The following ZFAND3 variants were observed in gnomAD, a reference collection of about 807,000 sequenced individuals.
The protein encoded by ZFAND3 is zinc finger AN1-type containing 3.
Under a neutral mutation model 29.6 loss-of-function variants are expected in ZFAND3, and 10 were observed. The observed-to-expected ratio is 0.34, with a 90% confidence interval of 0.21 to 0.57. The LOEUF is 0.57. Among genes scored for constraint, ZFAND3 ranks in the 20% least tolerant of loss-of-function variants. ZFAND3 has a pLI of 0.86. For synonymous variants in ZFAND3, 128 were observed against 112.6 expected (o/e 1.14, Z -0.87); for missense variants, 230 against 304.5 (o/e 0.76, Z 1.82).
intron 5 of ZFAND3, 74 bp downstream of exon 5, chr6:38,116,813 G>A: frequency 6.5e-7 from 1 of 1,539,414 alleles, no homozygotes; most frequent in Non-Finnish European, 8.8e-7. Flanking sequence ...AATTTAAGTG[G>A]CTGAAGTCTT....
intron 2 of ZFAND3, among the ~76,000 whole-genome samples, chr6:37,980,637 C>T (rs143176210): frequency 2.1e-4 from 32 of 152,290 alleles, no homozygotes; most frequent in South Asian, 8.3e-4. Flanking sequence ...ACAATTTGAT[C>T]GGCATTTGTG....
chr6:37,864,671 A>G (rs1270465297), intron 1 of ZFAND3, among the ~76,000 whole-genome samples: 1 of 151,714 alleles, frequency 6.6e-6, no homozygotes, highest in Admixed American at 6.6e-5. Context: ...GTGTGGGTGT[A>G]TATGTGTGTA....
At chr6:38,123,330 T>C (rs975599022) in intron 5 of ZFAND3, among the ~76,000 whole-genome samples, 2 of 152,230 alleles carry the variant, frequency 1.3e-5, no homozygotes, top group Non-Finnish European at 2.9e-5. Context: ...GCTGATCCAT[T>C]TCACCAGCAT....
At chr6:38,099,161 G>A (rs180783164) in intron 4 of ZFAND3, among the ~76,000 whole-genome samples, 128 of 152,236 alleles carry the variant, frequency 8.4e-4, no homozygotes, top group African/African-American at 2.8e-3. Context: ...AGTTTCTTGC[G>A]ATTAAAATCT....
At chr6:37,853,412 GAAAAAAAAAAA>G (rs56738009) in intron 1 of ZFAND3, among the ~76,000 whole-genome samples, 2 of 65,880 alleles carry the variant, frequency 3.0e-5, no homozygotes, top group Non-Finnish European at 6.7e-5. Context: ...TGAGCCTCAA[GAAAAAAAAAAA>G]AAAAAAAAAA....
At chr6:38,075,733 C>T (rs1449739646) in intron 3 of ZFAND3, among the ~76,000 whole-genome samples, 2 of 148,424 alleles carry the variant, frequency 1.3e-5, no homozygotes, top group African/African-American at 5.0e-5. Context: ...AAGGAAGAGT[C>T]AGTTGATCTG....
intron 1 of ZFAND3, among the ~76,000 whole-genome samples, chr6:37,879,960 T>A (rs1764861040): frequency 6.6e-6 from 1 of 152,162 alleles, no homozygotes; most frequent in African/African-American, 2.4e-5. Flanking sequence ...GCAAAATCTT[T>A]ATGTGTGATG....
At chr6:37,912,629 A>G (rs554896407) in intron 1 of ZFAND3, among the ~76,000 whole-genome samples, 3 of 152,318 alleles carry the variant, frequency 2.0e-5, no homozygotes, top group Admixed American at 2.0e-4. Context: ...ATTCAAAATC[A>G]TTGATAAGAA....
chr6:37,865,143 A>C (rs1295707940), intron 1 of ZFAND3, among the ~76,000 whole-genome samples: 2 of 152,194 alleles, frequency 1.3e-5, no homozygotes, highest in Non-Finnish European at 2.9e-5. Flanking sequence ...GTGCCACTGC[A>C]CTCCAGCCTG....
intron 5 of ZFAND3, among the ~76,000 whole-genome samples, chr6:38,133,036 G>A (rs1481581709): frequency 6.6e-6 from 1 of 152,188 alleles, no homozygotes; most frequent in East Asian, 1.9e-4. Context: ...AACAGGACTG[G>A]ACTCAGTGTT....
rs1199786776 is a variant in ZFAND3, at chr6:37,895,228, G to A, written c.72-34731G>A. ...GTTTTATTGTGACTATTTACTGCTA[G>A]GTCTTCAGGTTCCTTTTTTCTTCAT... On this transcript the variant is annotated intron_variant, in intron 1 of 5. Transcript: ENST00000287218. 2.6e-5 allele frequency among the ~76,000 whole-genome samples: 4 copies of A among 151,784 alleles called. No homozygotes were observed. In the East Asian group the frequency reaches 7.7e-4, roughly 29 times the overall value.
chr6:37,944,496 G>C (rs1761866968), intron 2 of ZFAND3, among the ~76,000 whole-genome samples: 1 of 152,076 alleles, frequency 6.6e-6, no homozygotes, highest in Non-Finnish European at 1.5e-5. Flanking sequence ...AAGAGGAGGA[G>C]CCTAAAAAAA....
chr6:37,827,988 T>G (rs1241525215), intron 1 of ZFAND3, among the ~76,000 whole-genome samples: 1 of 152,230 alleles, frequency 6.6e-6, no homozygotes, highest in Non-Finnish European at 1.5e-5. Context: ...AGGTTGGTGA[T>G]GTACTTAGGA....
intron 2 of ZFAND3, among the ~76,000 whole-genome samples, chr6:38,009,299 T>C (rs73421479): frequency 0.068 from 10,384 of 152,248 alleles, 429 homozygotes; most frequent in Non-Finnish European, 0.087. Context: ...TTCGGTAGCA[T>C]CTTAACAAGT....
intron 2 of ZFAND3, among the ~76,000 whole-genome samples, chr6:37,931,016 C>CA (rs1466984139): frequency 1.7e-4 from 26 of 152,100 alleles, no homozygotes; most frequent in African/African-American, 6.0e-4. Flanking sequence ...TCTGTAGACT[C>CA]AAAGAAGTGA....
intron 2 of ZFAND3, among the ~76,000 whole-genome samples, chr6:38,030,072 A>G (rs1484920960): frequency 6.1e-5 from 3 of 48,940 alleles, no homozygotes; most frequent in Non-Finnish European, 1.2e-4. Flanking sequence ...ATATATATAT[A>G]TATATATATA....
intron 1 of ZFAND3, among the ~76,000 whole-genome samples, chr6:37,880,785 A>G (rs549485031): frequency 6.8e-6 from 1 of 147,508 alleles, no homozygotes; most frequent in Admixed American, 6.9e-5. Flanking sequence ...GTTGTGTGCT[A>G]GCACCTCATA....
chr6:37,956,161 G>T (rs1762083389), intron 2 of ZFAND3, among the ~76,000 whole-genome samples: 3 of 152,210 alleles, frequency 2.0e-5, no homozygotes, highest in Admixed American at 2.0e-4. Flanking sequence ...TTCATTAAAT[G>T]TTTGAAAAAC....
At chr6:38,074,442 T>G (rs1459492014) in intron 3 of ZFAND3, among the ~76,000 whole-genome samples, 1 of 152,224 alleles carries the variant, frequency 6.6e-6, no homozygotes, top group Non-Finnish European at 1.5e-5. Flanking sequence ...AGTTTCTTAG[T>G]GTCCTTAGTA....
Sources: allele counts gnomAD v4.1 joint callset (sites outside exome capture counted in the v4.1 genomes callset), GRCh38; gene constraint gnomAD v4.1.1; transcripts MANE v1.5; gene names NCBI Gene and HGNC (gene_info 2026-07-23, HGNC 2026-07-21).